PTPN4: variants seen among roughly 807,000 people sequenced by gnomAD.
PTPN4 encodes the protein tyrosine-protein phosphatase non-receptor type 4.
PTPN4 carries 49 observed loss-of-function variants against 135.5 expected under a neutral mutation model. That is an observed-to-expected ratio of 0.36 (90% confidence interval 0.29 to 0.46). PTPN4 has a LOEUF of 0.46. Ranked by LOEUF, PTPN4 falls within the 20% of genes least tolerant of loss-of-function variation. The pLI is 1.00. For synonymous variants in PTPN4, 333 were observed against 369.9 expected (o/e 0.90, Z 1.14); for missense variants, 860 against 1,101.0 (o/e 0.78, Z 3.10).
chr2:119,913,005 T>C (rs1318153201), intron 10 of PTPN4, among the ~76,000 whole-genome samples: 1 of 152,198 alleles, frequency 6.6e-6, no homozygotes, highest in African/African-American at 2.4e-5. Context: ...TCTTTTGTGA[T>C]TGATTTTTTT....
chr2:119,930,053 T>C, intron 13 of PTPN4, among the ~76,000 whole-genome samples: 1 of 152,130 alleles, frequency 6.6e-6, no homozygotes, highest in East Asian at 1.9e-4. Context: ...TGAGGTAATA[T>C]ACTTTATTTT....
chr2:119,796,372 C>T (rs1364576342), intron 1 of PTPN4, among the ~76,000 whole-genome samples: 1 of 152,234 alleles, frequency 6.6e-6, no homozygotes. Context: ...ACTGGACTCT[C>T]ATCCCCAGGG....
At position 119,983,500 on chromosome 2, in the gene PTPN4, C is replaced by T. The variant is rs952159983; in HGVS notation, c.*6430C>T. 1 of 152,166 alleles carries T rather than the reference C, an allele frequency of 6.6e-6. No individual in the cohort carries two copies. Among genetic ancestry groups the T allele is most frequent in the Admixed American group, 6.5e-5 (1 of 15,270 alleles). 9.4% of individuals were successfully genotyped at this position (152,166 alleles called of 1,614,324 possible). Reference sequence around the variant, plus strand: ...GGATTCTCTGGCACCTGTCTTTTCCCATCTTTTAATGAGTTGGCAAGATTA... The same window carrying T: ...GGATTCTCTGGCACCTGTCTTTTCCTATCTTTTAATGAGTTGGCAAGATTA... On this transcript the variant is annotated 3_prime_UTR_variant, in exon 27 of 27. Transcript: ENST00000263708.
rs1678610843 is a variant in PTPN4 at position 119,913,960 on chromosome 2, A to C, written c.765-1219A>C. Among the ~76,000 whole-genome samples, 3 of 152,186 alleles carry C rather than the reference A, an allele frequency of 2.0e-5. 1 individual carries two copies. Among genetic ancestry groups the C allele is most frequent in the Admixed American group, 2.0e-4 (3 of 15,282 alleles). On this transcript the variant is annotated intron_variant, in intron 10 of 26. Coordinates refer to ENST00000263708, the MANE Select transcript of PTPN4 (RefSeq NM_002830.4). ...ATTTTTCTGAAAAAACTTTGTAGCA[A>C]ATACAAGTCACACACAATACATTTA...
intron 2 of PTPN4, among the ~76,000 whole-genome samples, chr2:119,833,632 C>T (rs559291227): frequency 2.7e-4 from 41 of 152,082 alleles, no homozygotes; most frequent in African/African-American, 5.1e-4. Context: ...CACCTTCAGT[C>T]GGAGTTACGG....
Position 119,979,234 on chromosome 2 carries a change from A to C in PTPN4, c.*2164A>C, listed in dbSNP as rs902031506. The C allele has an allele frequency of 6.6e-5, 10 of 152,180 alleles. No individual in the cohort carries two copies. The highest frequency in any genetic ancestry group is 1.3e-4 in the Non-Finnish European group (9 of 67,984). 9.4% of individuals were successfully genotyped at this position (152,180 alleles called of 1,614,324 possible). A position where few individuals can be genotyped will look rare whatever the true frequency, so the allele number is the denominator to read the frequency against. Reference sequence around the variant, plus strand: ...TGTCTGTTCTATCTGTATGGACAGAATATGACAACCATAGACCAAAAGATA... The same window carrying C: ...TGTCTGTTCTATCTGTATGGACAGACTATGACAACCATAGACCAAAAGATA... On this transcript the variant is annotated 3_prime_UTR_variant, in exon 27 of 27. Coordinates refer to ENST00000263708, the MANE Select transcript of PTPN4 (RefSeq NM_002830.4).
intron 11 of PTPN4, among the ~76,000 whole-genome samples, chr2:119,918,782 G>A (rs1678695386): frequency 6.6e-6 from 1 of 152,168 alleles, no homozygotes; most frequent in Non-Finnish European, 1.5e-5. Context: ...AGAACATACA[G>A]GAATATGCAT....
At chr2:119,787,310 AC>A (rs1691064266) in intron 1 of PTPN4, among the ~76,000 whole-genome samples, 1 of 152,200 alleles carries the variant, frequency 6.6e-6, no homozygotes, top group Non-Finnish European at 1.5e-5. Flanking sequence ...TATAATACAT[AC>A]TTTTTGAATA....
At chr2:119,875,442 T>C (rs371765110) in intron 3 of PTPN4, among the ~76,000 whole-genome samples, 18 of 152,182 alleles carry the variant, frequency 1.2e-4, no homozygotes, top group Admixed American at 2.6e-4. Context: ...AATAGATTAA[T>C]TGATCTGAAA....
At chr2:119,783,402 T>G (rs1690982724) in intron 1 of PTPN4, among the ~76,000 whole-genome samples, 2 of 152,202 alleles carry the variant, frequency 1.3e-5, no homozygotes, top group Admixed American at 1.3e-4. Flanking sequence ...TGACTTCTTT[T>G]CCCCTTGATT....
chr2:119,977,329 T>C lies in PTPN4; in HGVS notation c.*259T>C, dbSNP rs1679632950. The C allele has an allele frequency of 3.1e-5, 13 of 412,786 alleles. No homozygotes were observed. The highest frequency in any genetic ancestry group is 4.2e-5 in the Non-Finnish European group (12 of 284,650). 25.6% of individuals were successfully genotyped at this position (412,786 alleles called of 1,614,324 possible). A position where few individuals can be genotyped will look rare whatever the true frequency, so the allele number is the denominator to read the frequency against. On this transcript the variant is annotated 3_prime_UTR_variant, in exon 27 of 27. Coordinates refer to ENST00000263708, the MANE Select transcript of PTPN4 (RefSeq NM_002830.4). ...AACTGAGTATGTTCAGGGTAATTTA[T>C]GAAATTTTGTGGTGGTGCCATGCAA...
chr2:119,832,464 G>A (rs936895278), intron 2 of PTPN4, among the ~76,000 whole-genome samples: 2 of 151,752 alleles, frequency 1.3e-5, no homozygotes, highest in Admixed American at 1.3e-4. Context: ...TGTTCATACT[G>A]TGGGATCTTT....
At chr2:119,858,006 A>G (rs1338089572) in intron 2 of PTPN4, among the ~76,000 whole-genome samples, 3 of 152,158 alleles carry the variant, frequency 2.0e-5, no homozygotes, top group African/African-American at 7.2e-5. Flanking sequence ...TTAACCTGAA[A>G]TCTGGTTGAT....
Position 119,809,548 on chromosome 2 carries a change from CAA to C in PTPN4, c.-17-287_-17-286del, listed in dbSNP as rs990738501. ...ATCTTCCCGCCCCTTTTGGCTACTC[CAA>C]AGTTTACATATTTTGAATTGGAATA... On this transcript the variant is annotated intron_variant, in intron 1 of 26. Transcript: ENST00000263708. Among the ~76,000 whole-genome samples, 189 of 151,784 alleles carry C rather than the reference CAA, an allele frequency of 1.2e-3. 1 individual carries two copies. The highest frequency in any genetic ancestry group is 4.3e-3 in the African/African-American group (176 of 41,396).
intron 15 of PTPN4, among the ~76,000 whole-genome samples, chr2:119,939,777 ATCTACAAC>A (rs1679035769): frequency 6.6e-6 from 1 of 152,116 alleles, no homozygotes; most frequent in Non-Finnish European, 1.5e-5. Flanking sequence ...GATGATTTCC[ATCTACAAC>A]TCAGTTGTCC....
chr2:119,973,242 G>A (rs184436306), intron 26 of PTPN4, among the ~76,000 whole-genome samples: 150 of 151,778 alleles, frequency 9.9e-4, no homozygotes, highest in African/African-American at 3.5e-3. Flanking sequence ...GATACTTTAC[G>A]TAAGTAAATT....
At chr2:119,871,513 A>G (rs553520707) in intron 3 of PTPN4, among the ~76,000 whole-genome samples, 6 of 152,192 alleles carry the variant, frequency 3.9e-5, no homozygotes, top group Admixed American at 6.5e-5. Flanking sequence ...ACTATAGTGC[A>G]CTATGCTGAT....
At chr2:119,797,001 A>G (rs568591098) in intron 1 of PTPN4, among the ~76,000 whole-genome samples, 1 of 152,072 alleles carries the variant, frequency 6.6e-6, no homozygotes, top group Non-Finnish European at 1.5e-5. Flanking sequence ...TTTGCCATCC[A>G]TATATCTTCT....
chr2:119,813,532 CCACT>C (rs980189772), intron 2 of PTPN4, among the ~76,000 whole-genome samples: 2 of 151,822 alleles, frequency 1.3e-5, no homozygotes, highest in Admixed American at 1.3e-4. Flanking sequence ...CAGGCATGAG[CCACT>C]GTGCCCGGTC....
Sources: allele counts gnomAD v4.1 joint callset (sites outside exome capture counted in the v4.1 genomes callset), GRCh38; gene constraint gnomAD v4.1.1; transcripts MANE v1.5; gene names NCBI Gene and HGNC (gene_info 2026-07-23, HGNC 2026-07-21).